Variants in SHLD2 observed in about 807,000 individuals in gnomAD.
The protein encoded by SHLD2 is RINN1-REV7-interacting novel NHEJ regulator 2.
Under a neutral mutation model 73.2 loss-of-function variants are expected in SHLD2, and 30 were observed. The observed-to-expected ratio is 0.41, with a 90% CI of 0.31 to 0.56. The LOEUF (loss-of-function observed/expected upper bound fraction) is 0.56. SHLD2 is among the 20% of genes least tolerant of loss of function. The pLI is 0.28. For synonymous variants in SHLD2, 285 were observed against 370.1 expected (o/e 0.77, Z 2.64); for missense variants, 745 against 1,055.9 (o/e 0.71, Z 4.08).
rs1367660350 is a variant in SHLD2 at position 87,096,921 on chromosome 10, CTG to C, written c.-61-9_-61-8del. ...GTCATTGTCATTAATTGTATTTGCACTGTGTTTTTCAGTGAAAAATGTACTCT... is the reference window on the plus strand; with the variant it reads ...GTCATTGTCATTAATTGTATTTGCACTGTTTTTCAGTGAAAAATGTACTCT... On this transcript the variant is annotated splice_polypyrimidine_tract_variant and intron_variant, in intron 1 of 9. Transcript: ENST00000298786. 6.6e-6 allele frequency: 1 copy of C among 152,166 alleles called. No individual in the cohort carries two copies. The highest frequency in any genetic ancestry group is 6.5e-5 in the Admixed American group (1 of 15,274). 9.4% of individuals were successfully genotyped at this position (152,166 alleles called of 1,614,324 possible). A position where few individuals can be genotyped will look rare whatever the true frequency, so the allele number is the denominator to read the frequency against.
At chr10:87,102,696 A>G (rs1842344913) in intron 2 of SHLD2, among the ~76,000 whole-genome samples, 1 of 152,130 alleles carries the variant, frequency 6.6e-6, no homozygotes, top group Non-Finnish European at 1.5e-5. Flanking sequence ...GCGACAGAGC[A>G]AGATTTCATT....
At position 87,152,731 on chromosome 10, in the gene SHLD2, A is replaced by G. The variant is rs4307634; in HGVS notation, c.1377A>G (p.Ile459Met). ...LSPCHVKEIN[I>M]KFGPNSGSKV... is the part of the protein sequence containing the mutation. The stretch of plus-strand genomic sequence containing the variant: ...CATGCCATGTGAAGGAAATAAACAT[A>G]AAATTCGGACCAAATTCTGGCTCTA... The change falls in exon 3 of 10, where the codon ATA becomes ATG. Residue 459 changes from isoleucine to methionine, a missense_variant. Transcript: ENST00000298786. 1.8e-4 allele frequency: 292 copies of G among 1,611,968 alleles called. 1 individual carries two copies. In the South Asian group the frequency reaches 3.0e-3, roughly 17 times the overall value.
At chr10:87,108,904 G>T (rs1436018527) in intron 2 of SHLD2, among the ~76,000 whole-genome samples, 1 of 151,970 alleles carries the variant, frequency 6.6e-6, no homozygotes, top group Non-Finnish European at 1.5e-5. Context: ...GCTGTCCTCT[G>T]TCCTTCTGAG....
At chr10:87,135,814 C>T (rs1404598668) in intron 2 of SHLD2, among the ~76,000 whole-genome samples, 1 of 152,020 alleles carries the variant, frequency 6.6e-6, no homozygotes, top group Non-Finnish European at 1.5e-5. Flanking sequence ...CCATTTTCAT[C>T]ACATCATATT....
At chr10:87,172,295 C>T (rs1589638486) in intron 6 of SHLD2, among the ~76,000 whole-genome samples, 2 of 152,256 alleles carry the variant, frequency 1.3e-5, no homozygotes, top group East Asian at 3.9e-4. Flanking sequence ...CTTTTCTTTT[C>T]AAGAGACCAA....
At chr10:87,183,529 A>T (rs1848435790) in intron 8 of SHLD2, among the ~76,000 whole-genome samples, 1 of 152,160 alleles carries the variant, frequency 6.6e-6, no homozygotes, top group South Asian at 2.1e-4. Flanking sequence ...AAACAAACAA[A>T]ATCATCCATT....
chr10:87,107,242 A>G (rs1056424946), intron 2 of SHLD2, among the ~76,000 whole-genome samples: 37 of 152,178 alleles, frequency 2.4e-4, no homozygotes, highest in African/African-American at 8.9e-4. Flanking sequence ...GTGAAACTCC[A>G]TCTCTGCTAA....
intron 2 of SHLD2, among the ~76,000 whole-genome samples, chr10:87,141,042 G>A (rs1845154903): frequency 6.6e-6 from 1 of 151,368 alleles, no homozygotes; most frequent in Non-Finnish European, 1.5e-5. Flanking sequence ...CATTTTGGGA[G>A]GTCAAGGTAG....
intron 7 of SHLD2, among the ~76,000 whole-genome samples, chr10:87,179,403 G>A (rs1185835616): frequency 6.9e-6 from 1 of 144,558 alleles, no homozygotes; most frequent in Non-Finnish European, 1.5e-5. Flanking sequence ...CCTCCTATTT[G>A]GCTTTTTTTT....
At chr10:87,184,267 C>G (rs976958884) in intron 8 of SHLD2, among the ~76,000 whole-genome samples, 1 of 152,032 alleles carries the variant, frequency 6.6e-6, no homozygotes, top group South Asian at 2.1e-4. Context: ...ACAAATTCAT[C>G]CACTTTTTTC....
intron 4 of SHLD2, among the ~76,000 whole-genome samples, chr10:87,164,804 T>C (rs963469529): frequency 6.6e-6 from 1 of 152,188 alleles, no homozygotes; most frequent in African/African-American, 2.4e-5. Context: ...TAAAGATATA[T>C]GTATTTCATT....
At chr10:87,177,324 T>C (rs567022700) in intron 7 of SHLD2, among the ~76,000 whole-genome samples, 15 of 150,746 alleles carry the variant, frequency 1.0e-4, no homozygotes, top group Admixed American at 8.6e-4. Context: ...AATAACATCA[T>C]GGACAACAAC....
chr10:87,167,740 G>A (rs1847302586), intron 4 of SHLD2, among the ~76,000 whole-genome samples: 1 of 152,124 alleles, frequency 6.6e-6, no homozygotes, highest in Admixed American at 6.5e-5. Flanking sequence ...AGTCTCCCAG[G>A]CTCAAGAGAT....
At chr10:87,179,211 C>T (rs949643492) in intron 7 of SHLD2, among the ~76,000 whole-genome samples, 1 of 152,146 alleles carries the variant, frequency 6.6e-6, no homozygotes, top group African/African-American at 2.4e-5. Context: ...GAGCCATTAG[C>T]AGTGAATTAT....
rs1424430936 is a variant in SHLD2, at chr10:87,190,842, A to T, written c.*159A>T. ...ATATAAATTAAAACTTTTTTCTAAG[A>T]AAATCCTGTGAGGTTTAAAAAGATT... is the stretch of plus-strand genomic sequence containing the variant. On this transcript the variant is annotated 3_prime_UTR_variant, in exon 10 of 10. Transcript: ENST00000298786. 1.6e-6 allele frequency: 1 copy of T among 627,748 alleles called. No individual in the cohort carries two copies. Among genetic ancestry groups the T allele is most frequent in the South Asian group, 2.1e-5 (1 of 48,580 alleles). 38.9% of individuals were successfully genotyped at this position (627,748 alleles called of 1,614,324 possible).
intron 2 of SHLD2, among the ~76,000 whole-genome samples, chr10:87,122,595 A>G (rs1341983865): frequency 6.6e-6 from 1 of 152,004 alleles, no homozygotes; most frequent in Non-Finnish European, 1.5e-5. Context: ...CCAACACTAT[A>G]TAAAATTGAT....
intron 4 of SHLD2, among the ~76,000 whole-genome samples, chr10:87,163,559 CAG>C (rs1257946543): frequency 6.6e-6 from 1 of 151,432 alleles, no homozygotes; most frequent in East Asian, 1.9e-4. Flanking sequence ...AGGCTAATGA[CAG>C]AAAGGACTGT....
intron 2 of SHLD2, among the ~76,000 whole-genome samples, chr10:87,101,574 T>C (rs564783964): frequency 6.6e-6 from 1 of 152,320 alleles, no homozygotes; most frequent in South Asian, 2.1e-4. Context: ...AATGGTTTTC[T>C]TAACTTCATT....
chr10:87,166,950 AGTGT>A (rs10602407), intron 4 of SHLD2, among the ~76,000 whole-genome samples: 20,533 of 126,174 alleles, frequency 0.16, 1,410 homozygotes, highest in Admixed American at 0.19. Context: ...CATTTTGGAA[AGTGT>A]GTGTGTGTGT....
Sources: allele counts gnomAD v4.1 joint callset (sites outside exome capture counted in the v4.1 genomes callset), GRCh38; gene constraint gnomAD v4.1.1; transcripts MANE v1.5; gene names NCBI Gene and HGNC (gene_info 2026-07-23, HGNC 2026-07-21).